The following C4orf51 variants were observed in gnomAD, a reference collection of about 807,000 sequenced individuals.
C4orf51 encodes the protein uncharacterized protein C4orf51.
Under a neutral mutation model 25.2 loss-of-function variants are expected in C4orf51, and 25 were observed. The observed-to-expected ratio is 0.99, with a 90% confidence interval of 0.72 to 1.39. C4orf51 has a LOEUF of 1.39. C4orf51 is among the 40% of genes most tolerant of loss of function. The pLI, the probability that C4orf51 is intolerant of heterozygous loss-of-function variation, is 0.00. For missense variants in C4orf51, 252 were observed against 239.6 expected (o/e 1.05, Z -0.34); for synonymous variants, 100 against 84.5 (o/e 1.18, Z -1.01).
intron 1 of C4orf51, among the ~76,000 whole-genome samples, chr4:145,684,979 G>T (rs1400001239): frequency 6.6e-6 from 1 of 152,088 alleles, no homozygotes; most frequent in Non-Finnish European, 1.5e-5. Context: ...GAGCCAAAAG[G>T]AGAAATAAGT....
the C4orf51 span, among the ~76,000 whole-genome samples, chr4:145,784,074 C>G: frequency 6.6e-6 from 1 of 152,186 alleles, no homozygotes; most frequent in African/African-American, 2.4e-5. Flanking sequence ...CATGTGCCTG[C>G]TTCCCCTTCA....
At chr4:145,717,460 C>G (rs1731484280) in intron 2 of C4orf51, among the ~76,000 whole-genome samples, 1 of 152,090 alleles carries the variant, frequency 6.6e-6, no homozygotes, top group Admixed American at 6.5e-5. Flanking sequence ...TTTAATTTAC[C>G]CAAATGATAA....
intron 2 of C4orf51, among the ~76,000 whole-genome samples, chr4:145,720,394 G>A (rs896689537): frequency 2.6e-5 from 4 of 152,200 alleles, no homozygotes; most frequent in Non-Finnish European, 1.5e-5. Context: ...TCAGCTATAC[G>A]GGGAGATACC....
the C4orf51 span, among the ~76,000 whole-genome samples, chr4:145,782,268 T>A: frequency 5.3e-5 from 8 of 152,102 alleles, no homozygotes; most frequent in Non-Finnish European, 1.0e-4. Flanking sequence ...CACGGCTGGG[T>A]GGGGCCTGGC....
intron 5 of C4orf51, among the ~76,000 whole-genome samples, chr4:145,731,816 A>C (rs1365262668): frequency 6.6e-6 from 1 of 151,894 alleles, no homozygotes; most frequent in Non-Finnish European, 1.5e-5. Flanking sequence ...TCCTGACCTC[A>C]GGTGATCTGC....
chr4:145,723,639 TA>T (rs1278455535), intron 2 of C4orf51, among the ~76,000 whole-genome samples: 9 of 152,236 alleles, frequency 5.9e-5, no homozygotes, highest in Non-Finnish European at 1.2e-4. Context: ...GCACAACATT[TA>T]AGGACCTAAT....
chr4:145,756,289 A>C (rs1186484917), downstream of C4orf51, among the ~76,000 whole-genome samples: 3 of 152,222 alleles, frequency 2.0e-5, no homozygotes, highest in African/African-American at 7.2e-5. Context: ...ATTATAGAAA[A>C]CATGGCTTTG....
intron 3 of C4orf51, among the ~76,000 whole-genome samples, chr4:145,728,683 A>T (rs1732251684): frequency 6.6e-6 from 1 of 152,232 alleles, no homozygotes; most frequent in African/African-American, 2.4e-5. Context: ...TAATGCTAGA[A>T]TGGAGCTTAA....
chr4:145,764,064 C>T (rs754406822), intron 1 of C4orf51, among the ~76,000 whole-genome samples: 2 of 152,190 alleles, frequency 1.3e-5, no homozygotes, highest in African/African-American at 2.4e-5. Context: ...GCAGGTTGTG[C>T]GTTTCAATGA....
rs1481765116 is a variant in C4orf51, at chr4:145,704,609, T to C, written c.307+7977T>C. Among the ~76,000 whole-genome samples the C allele has an allele frequency of 2.6e-5, 4 of 152,228 alleles. 1 individual carries two copies. The East Asian group carries it at 7.7e-4, about 29-fold the overall frequency. On this transcript the variant is annotated intron_variant, in intron 2 of 5. Transcript: ENST00000438731. ...GTCTGTTTTTATGCCAGTGCCATGCTCCTTTGATTGCTACAGTTTTCTAAT... is the reference window on the plus strand; with the variant it reads ...GTCTGTTTTTATGCCAGTGCCATGCCCCTTTGATTGCTACAGTTTTCTAAT...
intron 1 of C4orf51, among the ~76,000 whole-genome samples, chr4:145,742,233 T>G (rs1733139391): frequency 6.6e-6 from 1 of 152,212 alleles, no homozygotes; most frequent in Admixed American, 6.5e-5. Context: ...TAAAAGTCTC[T>G]CTACCGTTGG....
chr4:145,769,554 C>T (rs1327003817), intron 1 of C4orf51, among the ~76,000 whole-genome samples: 1 of 152,206 alleles, frequency 6.6e-6, no homozygotes, highest in Non-Finnish European at 1.5e-5. Context: ...ATACAATGTG[C>T]TGTGCCAGCC....
At chr4:145,739,018 G>T (rs1732956082) in intron 1 of C4orf51, among the ~76,000 whole-genome samples, 1 of 152,060 alleles carries the variant, frequency 6.6e-6, no homozygotes, top group Non-Finnish European at 1.5e-5. Context: ...CCCTCACACT[G>T]TCCAGGCTAC....
intron 1 of C4orf51, among the ~76,000 whole-genome samples, chr4:145,746,726 A>T (rs980213101): frequency 6.7e-6 from 1 of 150,182 alleles, no homozygotes; most frequent in Non-Finnish European, 1.5e-5. Context: ...ACACTTTAGA[A>T]TTTTTTTTTT....
chr4:145,765,782 T>C lies in C4orf51; in HGVS notation n.167-5206T>C, dbSNP rs369547971. 786 of 1,582,548 alleles carry C rather than the reference T, an allele frequency of 5.0e-4. 1 individual carries two copies. The highest frequency in any genetic ancestry group is 6.4e-4 in the Non-Finnish European group (748 of 1,162,252). The stretch of plus-strand genomic sequence containing the variant: ...ACCCAGTCTGTTAATGAGATGAAAA[T>C]CCTCAGAATTATAGCAACTGAGGGT... On this transcript the variant is annotated intron_variant and non_coding_transcript_variant, in intron 1 of 1. Coordinates refer to the C4orf51 transcript ENST00000510096. The surrounding 1 kb of genome is among the most constrained non-coding windows in gnomAD (Gnocchi z 4.7).
intron 2 of C4orf51, among the ~76,000 whole-genome samples, chr4:145,699,495 G>A (rs975484445): frequency 6.6e-6 from 1 of 151,768 alleles, no homozygotes. Flanking sequence ...CAATCTTGGC[G>A]CCACACTGCA....
At chr4:145,689,418 C>T (rs1012171901) in intron 1 of C4orf51, among the ~76,000 whole-genome samples, 15 of 151,656 alleles carry the variant, frequency 9.9e-5, no homozygotes, top group African/African-American at 3.6e-4. Context: ...TATCTATATA[C>T]ATATATGTGT....
chr4:145,695,285 G>A (rs1729974962), intron 1 of C4orf51, among the ~76,000 whole-genome samples: 1 of 152,140 alleles, frequency 6.6e-6, no homozygotes, highest in Non-Finnish European at 1.5e-5. Context: ...CATTCTGTTT[G>A]GTGTGAGATG....
chr4:145,703,919 G>A (rs1730628896), intron 2 of C4orf51, among the ~76,000 whole-genome samples: 5 of 152,244 alleles, frequency 3.3e-5, no homozygotes, highest in Admixed American at 3.3e-4. Context: ...ATGTGAGGCA[G>A]AGTGATTAAT....
Sources: allele counts gnomAD v4.1 joint callset (sites outside exome capture counted in the v4.1 genomes callset), GRCh38; gene constraint gnomAD v4.1.1; non-coding constraint Gnocchi (gnomAD v3.1); transcripts MANE v1.5; gene names NCBI Gene and HGNC (gene_info 2026-07-23, HGNC 2026-07-21).